PTRH1: variants seen among roughly 807,000 people sequenced by gnomAD.
PTRH1 encodes peptidyl-tRNA hydrolase.
In PTRH1, 13 loss-of-function variants were observed where a neutral mutation model predicts 15.7. The ratio of observed to expected loss-of-function variants is 0.83; its 90% CI spans 0.54 to 1.31. The LOEUF is 1.31. PTRH1 is among the 40% of genes most tolerant of loss of function. PTRH1 has a pLI of 0.00. For synonymous variants in PTRH1, 139 were observed against 136.7 expected (o/e 1.02, Z -0.12); for missense variants, 319 against 296.2 (o/e 1.08, Z -0.56).
chr9:127,706,950 G>T, intron 1 of PTRH1: 1 of 1,528,032 alleles, frequency 6.5e-7, no homozygotes, highest in Non-Finnish European at 8.9e-7. Context: ...CACTCCCTCG[G>T]CCTGTTGCTA....
exon 2 of PTRH1, chr9:127,695,052 A>G (rs1019498930): frequency 4.2e-5 from 27 of 648,774 alleles, no homozygotes; most frequent in South Asian, 2.0e-4. Flanking sequence ...GGGCTCAGCC[A>G]TTGATGATGA....
chr9:127,711,227 A>C (rs1842758571), downstream of PTRH1: 1 of 1,613,234 alleles, frequency 6.2e-7, no homozygotes, highest in Non-Finnish European at 8.5e-7. Flanking sequence ...CTTTCTGGCC[A>C]GACTGAGGAA....
At chr9:127,694,313 T>G (rs1842535851) in intron 2 of PTRH1, among the ~76,000 whole-genome samples, 1 of 152,146 alleles carries the variant, frequency 6.6e-6, no homozygotes, top group Non-Finnish European at 1.5e-5. Context: ...AAATTCTAAA[T>G]TGTTCTAAGC....
At chr9:127,702,477 C>T (rs1432636176) in intron 1 of PTRH1, among the ~76,000 whole-genome samples, 12 of 151,944 alleles carry the variant, frequency 7.9e-5, no homozygotes, top group Non-Finnish European at 1.5e-4. Context: ...ATCAAGGCTG[C>T]AGTGAACTGT....
chr9:127,709,751 C>T, downstream of PTRH1: 1 of 1,552,528 alleles, frequency 6.4e-7, no homozygotes, highest in South Asian at 1.2e-5. The surrounding 1 kb of genome is among the most constrained non-coding windows in gnomAD (Gnocchi z 4.7). Context: ...TATCACTGAC[C>T]CTGTTTCTCA....
chr9:127,705,160 C>G lies in PTRH1; in HGVS notation c.206-10019G>C, dbSNP rs768850241. Among the ~76,000 whole-genome samples the G allele has an allele frequency of 1.3e-5, 2 of 152,168 alleles. No homozygotes were observed. The highest frequency in any genetic ancestry group is 4.8e-5 in the African/African-American group (2 of 41,438). On this transcript the variant is annotated intron_variant, in intron 1 of 2. Coordinates refer to the PTRH1 transcript ENST00000335223. This position sits in a 1 kb window ranked among gnomAD's most constrained non-coding sequence, Gnocchi z 4.7. ...CAGGCCACTGTCCACTGTCCTTGGCCGGTGCTGCAGTCTGCATGGCTTTGT... is the reference window on the plus strand; with the variant it reads ...CAGGCCACTGTCCACTGTCCTTGGCGGGTGCTGCAGTCTGCATGGCTTTGT...
At chr9:127,699,674 G>A (rs541041495) in intron 1 of PTRH1, among the ~76,000 whole-genome samples, 3 of 152,026 alleles carry the variant, frequency 2.0e-5, no homozygotes, top group South Asian at 4.2e-4. Flanking sequence ...CCTAAAGTAG[G>A]ATGAAAGACT....
At chr9:127,711,517 A>C, downstream of PTRH1, 1 of 1,606,654 alleles carries the variant, frequency 6.2e-7, no homozygotes, top group Non-Finnish European at 8.5e-7. Flanking sequence ...AGGCCTCAGC[A>C]CAGGGCATTT....
At chr9:127,694,968 A>G (rs1842544335) in exon 2 of PTRH1, 1 of 702,548 alleles carries the variant, frequency 1.4e-6, no homozygotes, top group Non-Finnish European at 2.6e-6. Flanking sequence ...CATGATCCTG[A>G]CAGGTGACTT....
At chr9:127,701,169 C>T (rs896330599) in intron 1 of PTRH1, among the ~76,000 whole-genome samples, 5 of 152,212 alleles carry the variant, frequency 3.3e-5, no homozygotes, top group Non-Finnish European at 7.3e-5. Flanking sequence ...CTACCTGTCT[C>T]TGGTCTTGGC....
chr9:127,709,973 T>C (rs1842726607), downstream of PTRH1, among the ~76,000 whole-genome samples: 1 of 152,144 alleles, frequency 6.6e-6, no homozygotes, highest in Non-Finnish European at 1.5e-5. This position sits in a 1 kb window ranked among gnomAD's most constrained non-coding sequence, Gnocchi z 4.7. Flanking sequence ...CCAGAGAATA[T>C]ATACAGTCCA....
Position 127,715,377 on chromosome 9 carries a change from G to A in PTRH1, c.96+167C>T, listed in dbSNP as rs765578067. 1.6e-5 allele frequency: 20 copies of A among 1,249,968 alleles called. No homozygotes were observed. In the East Asian group the frequency reaches 4.8e-4, roughly 30 times the overall value. The allele number at this position is 1,249,968 out of a possible 1,614,324, so 77.4% of individuals were successfully genotyped here. On this transcript the variant is annotated intron_variant, in intron 1 of 4. Coordinates refer to ENST00000543175, the MANE Select transcript of PTRH1 (RefSeq NM_001002913.3). The surrounding 1 kb of genome is among the most constrained non-coding windows in gnomAD (Gnocchi z 5.8). ...CTCCAGAAGGCTGGGCAGGCAGGGC[G>A]CCCTAGTGCAGGAACGGAGCTTCAA...
chr9:127,705,917 G>A lies in PTRH1; in HGVS notation c.205+9518C>T, dbSNP rs1027443490. ...CCTCCCAGGGCTGCCCTGCCTGCAG[G>A]GAACAGGCACCCTGGGAAGGGCAGA... On this transcript the variant is annotated intron_variant, in intron 1 of 2. Coordinates refer to the PTRH1 transcript ENST00000335223. The surrounding 1 kb of genome is among the most constrained non-coding windows in gnomAD (Gnocchi z 4.7). Among the ~76,000 whole-genome samples the A allele has an allele frequency of 1.3e-5, 2 of 152,232 alleles. No homozygotes were observed. Among genetic ancestry groups the A allele is most frequent in the East Asian group, 1.9e-4 (1 of 5,192 alleles).
intron 1 of PTRH1, among the ~76,000 whole-genome samples, chr9:127,708,363 G>A (rs1842693090): frequency 6.6e-6 from 1 of 152,112 alleles, no homozygotes; most frequent in African/African-American, 2.4e-5. Flanking sequence ...TGTAATCCCA[G>A]CTACTCAGGA....
At chr9:127,712,985 C>T (rs375153055), downstream of PTRH1, 45 of 1,605,892 alleles carry the variant, frequency 2.8e-5, no homozygotes, top group African/African-American at 4.3e-4. Flanking sequence ...CCTGGCTCGC[C>T]GAAGGCTCTG....
chr9:127,714,345 C>T, intron 4 of PTRH1, 34 bp downstream of exon 4: 2 of 1,614,168 alleles, frequency 1.2e-6, no homozygotes, highest in Non-Finnish European at 1.7e-6. Context: ...CCTGGCCCAC[C>T]CGACCCAGTT....
intron 1 of PTRH1, chr9:127,707,024 C>T (rs762448294): frequency 6.2e-7 from 1 of 1,613,190 alleles, no homozygotes; most frequent in Non-Finnish European, 8.5e-7. Flanking sequence ...CCCTGGTTGC[C>T]ATCAGCCATG....
intron 1 of PTRH1, among the ~76,000 whole-genome samples, chr9:127,700,900 T>C (rs1214853397): frequency 6.6e-6 from 1 of 152,248 alleles, no homozygotes; most frequent in East Asian, 1.9e-4. Context: ...GACTATGAAC[T>C]GGCTCTGGCC....
At chr9:127,701,027 G>T (rs1842599710) in intron 1 of PTRH1, among the ~76,000 whole-genome samples, 1 of 152,178 alleles carries the variant, frequency 6.6e-6, no homozygotes, top group South Asian at 2.1e-4. Flanking sequence ...GGGTCGAATG[G>T]TACATGCATG....
Sources: allele counts gnomAD v4.1 joint callset (sites outside exome capture counted in the v4.1 genomes callset), GRCh38; gene constraint gnomAD v4.1.1; non-coding constraint Gnocchi (gnomAD v3.1); transcripts MANE v1.5; gene names NCBI Gene and HGNC (gene_info 2026-07-23, HGNC 2026-07-21).